The following SYNGR1 variants were observed in gnomAD, a reference collection of about 807,000 sequenced individuals.
SYNGR1 encodes synaptogyrin 1.
A neutral mutation model predicts 26.1 loss-of-function variants in SYNGR1; 14 were observed. The ratio of observed to expected loss-of-function variants is 0.54; its 90% confidence interval spans 0.35 to 0.84. SYNGR1 has a LOEUF of 0.84. SYNGR1 is among the 40% of genes least tolerant of loss of function. The pLI is 0.01. For synonymous variants in SYNGR1, 141 were observed against 150.1 expected (o/e 0.94, Z 0.44); for missense variants, 319 against 332.9 (o/e 0.96, Z 0.33).
intron 2 of SYNGR1, 161 bp downstream of exon 2, chr22:39,374,714 A>G: frequency 2.5e-6 from 2 of 787,172 alleles, no homozygotes; most frequent in Non-Finnish European, 2.1e-6. Flanking sequence ...AGCAGGAAGG[A>G]TGGGACCAGG....
rs1925580987 is a variant in SYNGR1 at position 39,383,911 on chromosome 22, A to C, written c.*1997A>C. The C allele has an allele frequency of 1.3e-5, 2 of 152,272 alleles. No homozygotes were observed. The highest frequency in any genetic ancestry group is 4.8e-5 in the African/African-American group (2 of 41,458). The allele number at this position is 152,272 out of a possible 1,614,324, so 9.4% of individuals were successfully genotyped here. A position where few individuals can be genotyped will look rare whatever the true frequency, so the allele number is the denominator to read the frequency against. ...TGTCCAAGTCCTCCCAAAGGACAGC[A>C]GTGATGGAGAGGACCCCAGCCAGCT... On this transcript the variant is annotated 3_prime_UTR_variant, in exon 4 of 4. Coordinates refer to ENST00000328933, the MANE Select transcript of SYNGR1 (RefSeq NM_004711.5).
At chr22:39,353,296 G>A (rs1924000581) in intron 1 of SYNGR1, among the ~76,000 whole-genome samples, 1 of 152,166 alleles carries the variant, frequency 6.6e-6, no homozygotes, top group African/African-American at 2.4e-5. Flanking sequence ...AGCCCTCTGA[G>A]CCCCTGGGTC....
chr22:39,350,198 CCCCAA>C lies in SYNGR1; in HGVS notation c.99+91_99+95del. The stretch of plus-strand genomic sequence containing the variant: ...GCGCCCGGACCGACCCCGACCCCGA[CCCCAA>C]CGGGCCCCCGGCGGCGGCGCGGCGG... On this transcript the variant is annotated intron_variant, in intron 1 of 3. Coordinates refer to ENST00000328933, the MANE Select transcript of SYNGR1 (RefSeq NM_004711.5). This position sits in a 1 kb window ranked among gnomAD's most constrained non-coding sequence, Gnocchi z 4.3. 39 of 903,952 alleles carry C rather than the reference CCCCAA, an allele frequency of 4.3e-5. No individual in the cohort carries two copies. Among genetic ancestry groups the C allele is most frequent in the Non-Finnish European group, 5.1e-5 (36 of 708,700 alleles). The allele number at this position is 903,952 out of a possible 1,614,324, so 56.0% of individuals were successfully genotyped here.
intron 3 of SYNGR1, chr22:39,377,676 T>TCGGCA: frequency 6.2e-7 from 1 of 1,613,772 alleles, no homozygotes; most frequent in Non-Finnish European, 8.5e-7. Flanking sequence ...GTTCCCTGCC[T>TCGGCA]CGGCACAGCC....
intron 1 of SYNGR1, among the ~76,000 whole-genome samples, chr22:39,352,323 C>T (rs992727000): frequency 2.6e-5 from 4 of 152,220 alleles, no homozygotes; most frequent in African/African-American, 9.6e-5. Context: ...GGCTGATTGA[C>T]ACCTTTAAAA....
chr22:39,363,322 T>C (rs1331010129), intron 1 of SYNGR1, among the ~76,000 whole-genome samples: 2 of 151,488 alleles, frequency 1.3e-5, no homozygotes, highest in African/African-American at 2.4e-5. Flanking sequence ...TTTAAGGGGA[T>C]TGTCTGGCTG....
At chr22:39,353,347 C>G (rs1289219772) in intron 1 of SYNGR1, among the ~76,000 whole-genome samples, 1 of 151,944 alleles carries the variant, frequency 6.6e-6, no homozygotes, top group Admixed American at 6.6e-5. Flanking sequence ...TGGCTTGTCT[C>G]TTTTTTATTT....
At chr22:39,356,278 C>T (rs1924141455) in intron 1 of SYNGR1, among the ~76,000 whole-genome samples, 1 of 152,158 alleles carries the variant, frequency 6.6e-6, no homozygotes, top group African/African-American at 2.4e-5. Flanking sequence ...TGGTCTCAAA[C>T]TCCTGACCTC....
At chr22:39,369,350 C>T (rs897080353) in intron 1 of SYNGR1, among the ~76,000 whole-genome samples, 5 of 152,038 alleles carry the variant, frequency 3.3e-5, no homozygotes, top group Admixed American at 2.6e-4. Flanking sequence ...TTGTCAGTAG[C>T]TCAGGAGCCC....
At chr22:39,372,123 C>CTTTTTT (rs71197177) in intron 1 of SYNGR1, among the ~76,000 whole-genome samples, 16 of 70,230 alleles carry the variant, frequency 2.3e-4, no homozygotes, top group African/African-American at 4.3e-4. Context: ...TAGATCCATT[C>CTTTTTT]TTTTTTTTTT....
intron 3 of SYNGR1, chr22:39,377,133 T>C (rs1312162650): frequency 1.3e-6 from 2 of 1,522,752 alleles, no homozygotes; most frequent in Admixed American, 4.3e-5. Flanking sequence ...AGGAGACTCT[T>C]GAGGCTACAT....
At position 39,382,079 on chromosome 22, in the gene SYNGR1, G is replaced by A; in HGVS notation, c.*165G>A. 2 of 734,204 alleles carry A rather than the reference G, an allele frequency of 2.7e-6. No homozygotes were observed. The highest frequency in any genetic ancestry group is 4.6e-6 in the Non-Finnish European group (2 of 432,784). 45.5% of individuals were successfully genotyped at this position (734,204 alleles called of 1,614,324 possible). On this transcript the variant is annotated 3_prime_UTR_variant, in exon 4 of 4. Transcript: ENST00000328933. Reference sequence around the variant, plus strand: ...AGGGGTGGGGCAGTCCAGTGTTGGGGACTGTCTACGTATGTGCAAGTATAT... The same window carrying A: ...AGGGGTGGGGCAGTCCAGTGTTGGGAACTGTCTACGTATGTGCAAGTATAT...
At chr22:39,369,540 T>G (rs1924922571) in intron 1 of SYNGR1, among the ~76,000 whole-genome samples, 1 of 152,142 alleles carries the variant, frequency 6.6e-6, no homozygotes, top group Non-Finnish European at 1.5e-5. Context: ...CCATCCCTTC[T>G]TCAGGGCCCA....
Position 39,376,910 on chromosome 22 carries a change from T to C in SYNGR1, c.483+713T>C, listed in dbSNP as rs6001564. 8.4e-3 allele frequency: 12,802 copies of C among 1,522,884 alleles called. 877 individuals are homozygous for C. In the African/African-American group the frequency reaches 0.16, roughly 18 times the overall value. The allele number at this position is 1,522,884 out of a possible 1,614,324, so 94.3% of individuals were successfully genotyped here. A position where few individuals can be genotyped will look rare whatever the true frequency, so the allele number is the denominator to read the frequency against. ...AATATATTGTGTGTGTCAAACAAAG[T>C]ATGTCTCTGGGCCCAGCAGGCCCTG... is the stretch of plus-strand genomic sequence containing the variant. On this transcript the variant is annotated intron_variant, in intron 3 of 3. Coordinates refer to ENST00000328933, the MANE Select transcript of SYNGR1 (RefSeq NM_004711.5).
intron 1 of SYNGR1, among the ~76,000 whole-genome samples, chr22:39,355,736 G>A (rs2145606355): frequency 6.6e-6 from 1 of 152,324 alleles, no homozygotes; most frequent in East Asian, 1.9e-4. Flanking sequence ...TGCAAATTTT[G>A]GCCAGGTGTG....
In SYNGR1 at chr22:39,350,183, CG is replaced by C; in HGVS notation, c.99+75del. ...GTGAGCAAAGGCGGCGCGCCCGGAC[CG>C]ACCCCGACCCCGACCCCAACGGGCC... On this transcript the variant is annotated intron_variant, in intron 1 of 3. Coordinates refer to ENST00000328933, the MANE Select transcript of SYNGR1 (RefSeq NM_004711.5). This position sits in a 1 kb window ranked among gnomAD's most constrained non-coding sequence, Gnocchi z 4.3. 1.2e-5 allele frequency: 3 copies of C among 247,180 alleles called. No homozygotes were observed. Among genetic ancestry groups the C allele is most frequent in the South Asian group, 1.2e-4 (1 of 8,494 alleles). The allele number at this position is 247,180 out of a possible 1,614,324, so 15.3% of individuals were successfully genotyped here. A position where few individuals can be genotyped will look rare whatever the true frequency, so the allele number is the denominator to read the frequency against.
intron 1 of SYNGR1, among the ~76,000 whole-genome samples, chr22:39,369,722 T>C (rs1924931141): frequency 6.6e-6 from 1 of 152,146 alleles, no homozygotes; most frequent in Admixed American, 6.5e-5. Context: ...CCCTCTCCAC[T>C]CTAGGGGTGA....
chr22:39,374,483 C>A lies in SYNGR1; in HGVS notation c.267C>A (p.Asp89Glu). The stretch of plus-strand genomic sequence containing the variant: ...CCTGCCTGCTGTACCTGGCCCTGGA[C>A]GTGTACTTCCCGCAGATCAGCAGCG... ...FLTCLLYLALDVYFPQISSVK... is the reference protein window; with the variant it reads ...FLTCLLYLALEVYFPQISSVK... The change falls in exon 2 of 4, where the codon GAC (aspartate) becomes GAA (glutamate). Residue 89 changes from aspartate (D) to glutamate (E), a missense_variant. Transcript: ENST00000328933. 1 of 1,613,860 alleles carries A rather than the reference C, an allele frequency of 6.2e-7. No homozygotes were observed. Among genetic ancestry groups the A allele is most frequent in the Non-Finnish European group, 8.5e-7 (1 of 1,180,020 alleles).
chr22:39,364,248 C>T (rs151233936), intron 1 of SYNGR1: 1 of 1,614,070 alleles, frequency 6.2e-7, no homozygotes, highest in African/African-American at 1.3e-5. Context: ...GGATAGGCAG[C>T]TGGACACAGA....
Sources: gnomAD v4.1 joint callset for allele counts (sites outside exome capture counted in the v4.1 genomes callset) on GRCh38, gnomAD v4.1.1 for gene constraint, Gnocchi (gnomAD v3.1) non-coding constraint, MANE v1.5 for transcripts, NCBI Gene and HGNC (gene_info 2026-07-23, HGNC 2026-07-21) for gene names.